Variants in NCAM1 observed in about 807,000 individuals in gnomAD.
NCAM1 encodes the protein antigen recognized by monoclonal antibody 5.1H11.
Under a neutral mutation model 109.8 loss-of-function variants are expected in NCAM1, and 14 were observed. The observed-to-expected ratio is 0.13, with a 90% CI of 0.08 to 0.20. The LOEUF is 0.20. Among genes scored for constraint, NCAM1 ranks in the 10% least tolerant of loss-of-function variants. The pLI is 1.00. For missense variants in NCAM1, 774 were observed against 1,109.9 expected (o/e 0.70, Z 4.30); for synonymous variants, 418 against 442.9 (o/e 0.94, Z 0.70).
chr11:113,119,513 C>T (rs1463782304), intron 1 of NCAM1, among the ~76,000 whole-genome samples: 7 of 152,102 alleles, frequency 4.6e-5, no homozygotes, highest in Non-Finnish European at 8.8e-5. Flanking sequence ...AGCAGTGCCC[C>T]TAGACCCTGG....
chr11:113,177,275 T>A (rs371861282), intron 1 of NCAM1, among the ~76,000 whole-genome samples: 1 of 152,164 alleles, frequency 6.6e-6, no homozygotes, highest in Non-Finnish European at 1.5e-5. Context: ...CATCAGCTCT[T>A]CCAGCCTCTA....
At chr11:113,148,630 C>T (rs139806959) in intron 1 of NCAM1, among the ~76,000 whole-genome samples, 2,389 of 152,250 alleles carry the variant, frequency 0.016, 60 homozygotes, top group African/African-American at 0.054. Flanking sequence ...TGACCCAAAG[C>T]TTTAGTACGT....
intron 1 of NCAM1, among the ~76,000 whole-genome samples, chr11:113,201,522 C>T (rs1382803866): frequency 6.6e-6 from 1 of 152,156 alleles, no homozygotes; most frequent in Admixed American, 6.5e-5. Flanking sequence ...TTTTCCACCT[C>T]GAAACTCTAT....
At chr11:112,993,269 G>T (rs1396164425) in intron 1 of NCAM1, among the ~76,000 whole-genome samples, 1 of 152,086 alleles carries the variant, frequency 6.6e-6, no homozygotes, top group South Asian at 2.1e-4. Flanking sequence ...AGGCAAAAAG[G>T]GTACAGGCAT....
intron 1 of NCAM1, among the ~76,000 whole-genome samples, chr11:113,096,758 C>G (rs1555090514): frequency 6.6e-6 from 1 of 152,074 alleles, no homozygotes; most frequent in East Asian, 1.9e-4. Flanking sequence ...GCCCTCATCC[C>G]ACGACTACAT....
chr11:113,086,758 A>G (rs2135725511), intron 1 of NCAM1, among the ~76,000 whole-genome samples: 1 of 152,330 alleles, frequency 6.6e-6, no homozygotes, highest in Middle Eastern at 3.4e-3. Flanking sequence ...GGATTGGATT[A>G]GGAAACTTAG....
At chr11:113,015,508 G>A (rs1555075136) in intron 1 of NCAM1, among the ~76,000 whole-genome samples, 2 of 152,086 alleles carry the variant, frequency 1.3e-5, no homozygotes, top group African/African-American at 2.4e-5. Context: ...GGCCTAGGTG[G>A]GTGTGTCATC....
rs911306366 is a variant in NCAM1, at chr11:113,274,766, G to C, written c.2457-501G>C. On this transcript the variant is annotated intron_variant, in intron 19 of 19. Coordinates refer to ENST00000316851, the MANE Select transcript of NCAM1 (RefSeq NM_181351.5). The surrounding 1 kb of genome is among the most constrained non-coding windows in gnomAD (Gnocchi z 4.1). ...GCATCATCCTGCAACAGCACAGGGT[G>C]GGGTGGGGAAGGGACAGGCAAGAGT... Among the ~76,000 whole-genome samples, 2 of 152,222 alleles carry C rather than the reference G, an allele frequency of 1.3e-5. No individual in the cohort carries two copies.
chr11:113,265,715 A>G (rs782361290), intron 17 of NCAM1, among the ~76,000 whole-genome samples: 7 of 152,190 alleles, frequency 4.6e-5, no homozygotes, highest in South Asian at 2.1e-4. Flanking sequence ...TAAAGGGCTT[A>G]TGAGTGAACC....
At chr11:113,026,499 GC>G (rs1486684695) in intron 1 of NCAM1, among the ~76,000 whole-genome samples, 7 of 152,192 alleles carry the variant, frequency 4.6e-5, no homozygotes, top group African/African-American at 1.7e-4. Flanking sequence ...TTCTTCTTGA[GC>G]TAGTGGCACC....
At chr11:113,260,392 C>A in intron 17 of NCAM1, 69 bp downstream of exon 17, 2 of 1,495,788 alleles carry the variant, frequency 1.3e-6, no homozygotes, top group Non-Finnish European at 1.8e-6. Flanking sequence ...CCTCCTAATG[C>A]GCCTGAACAA....
intron 1 of NCAM1, among the ~76,000 whole-genome samples, chr11:112,997,052 G>T (rs150298307): frequency 6.6e-6 from 1 of 152,304 alleles, no homozygotes; most frequent in East Asian, 1.9e-4. Context: ...AGGGCAGTGG[G>T]CATGGGAAGC....
intron 1 of NCAM1, among the ~76,000 whole-genome samples, chr11:113,107,822 G>A (rs143352728): frequency 2.4e-4 from 37 of 152,172 alleles, no homozygotes; most frequent in African/African-American, 8.2e-4. Flanking sequence ...TGACCAAATG[G>A]CATAAATTAA....
chr11:113,168,265 A>G (rs1353795561), intron 1 of NCAM1, among the ~76,000 whole-genome samples: 2 of 151,916 alleles, frequency 1.3e-5, no homozygotes, highest in Non-Finnish European at 2.9e-5. Flanking sequence ...TCCTATTTGT[A>G]TTTGGTGTCT....
chr11:113,096,268 T>C (rs909048002), intron 1 of NCAM1, among the ~76,000 whole-genome samples: 3 of 152,172 alleles, frequency 2.0e-5, no homozygotes, highest in South Asian at 2.1e-4. Flanking sequence ...CTTTCTGAAA[T>C]AGAATTGACA....
intron 1 of NCAM1, among the ~76,000 whole-genome samples, chr11:113,157,410 T>C (rs1436885840): frequency 6.6e-6 from 1 of 152,222 alleles, no homozygotes; most frequent in Non-Finnish European, 1.5e-5. Context: ...ATTGGTTCTA[T>C]TTGGAGCAAT....
chr11:113,132,664 G>C (rs1941443421), intron 1 of NCAM1, among the ~76,000 whole-genome samples: 2 of 151,264 alleles, frequency 1.3e-5, no homozygotes, highest in South Asian at 4.2e-4. Flanking sequence ...GAGCGGGGGT[G>C]GGGGAGCTGG....
At chr11:113,105,698 A>G (rs1305669066) in intron 1 of NCAM1, among the ~76,000 whole-genome samples, 1 of 152,264 alleles carries the variant, frequency 6.6e-6, no homozygotes, top group African/African-American at 2.4e-5. Flanking sequence ...CATTTATATG[A>G]GATGTCCATA....
intron 8 of NCAM1, among the ~76,000 whole-genome samples, chr11:113,218,270 C>G (rs1362270623): frequency 2.6e-5 from 4 of 152,100 alleles, no homozygotes; most frequent in Non-Finnish European, 1.5e-5. Flanking sequence ...AGTACAAAGC[C>G]CTTAGACTGC....
Sources: allele counts gnomAD v4.1 joint callset (sites outside exome capture counted in the v4.1 genomes callset), GRCh38; gene constraint gnomAD v4.1.1; non-coding constraint Gnocchi (gnomAD v3.1); transcripts MANE v1.5; gene names NCBI Gene and HGNC (gene_info 2026-07-23, HGNC 2026-07-21).